The following CAMTA1 variants were observed in gnomAD, a reference collection of about 807,000 sequenced individuals.
The protein encoded by CAMTA1 is calmodulin-binding transcription activator 1.
A neutral mutation model predicts 170.9 loss-of-function variants in CAMTA1; 27 were observed. The observed-to-expected ratio is 0.16, with a 90% confidence interval of 0.12 to 0.22. The LOEUF (loss-of-function observed/expected upper bound fraction) is 0.22, where lower values mean the gene tolerates loss of function less well. CAMTA1 is among the 10% of genes least tolerant of loss of function. CAMTA1 has a pLI of 1.00. For synonymous variants in CAMTA1, 833 were observed against 891.5 expected, an observed-to-expected ratio of 0.93 and a Z score of 1.17; for missense variants, 1,619 against 2,217.2, an observed-to-expected ratio of 0.73 and a Z score of 5.42.
chr1:6,964,656 C>T (rs1691198226), intron 3 of CAMTA1, among the ~76,000 whole-genome samples: 1 of 152,246 alleles, frequency 6.6e-6, no homozygotes, highest in Non-Finnish European at 1.5e-5. Context: ...AGAAACGTGA[C>T]TGATACACTC....
chr1:7,344,718 C>A (rs1349738239), intron 5 of CAMTA1, among the ~76,000 whole-genome samples: 2 of 151,768 alleles, frequency 1.3e-5, no homozygotes, highest in Non-Finnish European at 2.9e-5. Flanking sequence ...CAATTATTGG[C>A]CATGTGTTTC....
chr1:7,264,619 C>T (rs1284841978), intron 5 of CAMTA1, among the ~76,000 whole-genome samples: 1 of 151,892 alleles, frequency 6.6e-6, no homozygotes. Flanking sequence ...TATTTTTACT[C>T]CAAAAAGCAC....
At chr1:7,721,529 A>G (rs1431507738) in intron 11 of CAMTA1, among the ~76,000 whole-genome samples, 1 of 152,112 alleles carries the variant, frequency 6.6e-6, no homozygotes, top group Non-Finnish European at 1.5e-5. Flanking sequence ...GATGAGGAGA[A>G]AGGTTGGCCT....
intron 3 of CAMTA1, among the ~76,000 whole-genome samples, chr1:7,038,987 C>T (rs556628029): frequency 2.7e-4 from 41 of 152,198 alleles, no homozygotes; most frequent in Non-Finnish European, 3.7e-4. Context: ...TTGCAGTGAG[C>T]CGAGATCCTG....
At chr1:7,424,966 G>A (rs1161833948) in intron 5 of CAMTA1, among the ~76,000 whole-genome samples, 70 of 152,146 alleles carry the variant, frequency 4.6e-4, no homozygotes, top group Admixed American at 4.6e-3. Flanking sequence ...AGGGAGGGAG[G>A]GAGGCAGGAT....
chr1:7,068,377 A>C (rs970638067), intron 3 of CAMTA1, among the ~76,000 whole-genome samples: 1 of 151,722 alleles, frequency 6.6e-6, no homozygotes, highest in African/African-American at 2.4e-5. Flanking sequence ...GATATCAATA[A>C]ACGCTTATTG....
intron 11 of CAMTA1, among the ~76,000 whole-genome samples, chr1:7,714,775 G>T (rs2096596698): frequency 6.6e-6 from 1 of 152,128 alleles, no homozygotes; most frequent in Non-Finnish European, 1.5e-5. Flanking sequence ...TCCCGCCTCG[G>T]CCTCCCAAAA....
chr1:7,119,253 C>G (rs1381118095), intron 4 of CAMTA1, among the ~76,000 whole-genome samples: 1 of 152,220 alleles, frequency 6.6e-6, no homozygotes, highest in South Asian at 2.1e-4. Context: ...CACTGCGGCA[C>G]TGCTGAAACC....
intron 3 of CAMTA1, among the ~76,000 whole-genome samples, chr1:7,006,698 C>T (rs1249465042): frequency 1.3e-5 from 2 of 152,154 alleles, no homozygotes; most frequent in South Asian, 2.1e-4. Context: ...TCATCCTTCC[C>T]GGAGGACTGT....
rs1330054792 is a variant in CAMTA1, at chr1:7,063,295, C to G, written c.235-28009C>G. ...AGTGGAAAGACAGGGACGACTCTTCCGCAACACCTCTCAGACCCGTCAGTG... is the reference window on the plus strand; with the variant it reads ...AGTGGAAAGACAGGGACGACTCTTCGGCAACACCTCTCAGACCCGTCAGTG... On this transcript the variant is annotated intron_variant, in intron 3 of 22. Transcript: ENST00000303635. The surrounding 1 kb of genome is among the most constrained non-coding windows in gnomAD (Gnocchi z 4.3). Among the ~76,000 whole-genome samples the G allele has an allele frequency of 6.6e-6, 1 of 152,176 alleles. No individual in the cohort carries two copies. The highest frequency in any genetic ancestry group is 2.4e-5 in the African/African-American group (1 of 41,434).
chr1:7,700,260 T>G (rs1177577693), intron 11 of CAMTA1, among the ~76,000 whole-genome samples: 5 of 152,226 alleles, frequency 3.3e-5, no homozygotes, highest in Admixed American at 3.3e-4. Context: ...CCCATTGTCC[T>G]AGCCCCATTT....
At position 7,300,667 on chromosome 1, in the gene CAMTA1, A is replaced by G. The variant is rs1211327612; in HGVS notation, c.438+51041A>G. On this transcript the variant is annotated intron_variant, in intron 5 of 22. Transcript: ENST00000303635. The surrounding 1 kb of genome is among the most constrained non-coding windows in gnomAD (Gnocchi z 4.1). ...ACTCCAGCCTGGACAACAAAGAGCAAAACTCTGTCTCAAAAAAAAAAAAAT... is the reference window on the plus strand; with the variant it reads ...ACTCCAGCCTGGACAACAAAGAGCAGAACTCTGTCTCAAAAAAAAAAAAAT... Among the ~76,000 whole-genome samples the G allele has an allele frequency of 1.3e-5, 2 of 151,722 alleles. No homozygotes were observed. Among genetic ancestry groups the G allele is most frequent in the Non-Finnish European group, 2.9e-5 (2 of 68,010 alleles).
intron 3 of CAMTA1, among the ~76,000 whole-genome samples, chr1:6,863,461 C>G (rs1389569795): frequency 6.6e-6 from 1 of 152,094 alleles, no homozygotes; most frequent in Non-Finnish European, 1.5e-5. Context: ...TTGCTGAGCC[C>G]CACTCCAGAG....
At chr1:6,807,037 A>G in intron 1 of CAMTA1, 2 of 670,892 alleles carry the variant, frequency 3.0e-6, no homozygotes, top group Non-Finnish European at 5.5e-6. Flanking sequence ...GGGGAGACGG[A>G]CATTAATCAA....
At chr1:6,844,876 T>C (rs931907940) in intron 3 of CAMTA1, among the ~76,000 whole-genome samples, 1 of 152,090 alleles carries the variant, frequency 6.6e-6, no homozygotes, top group African/African-American at 2.4e-5. Flanking sequence ...AGCTATTGTT[T>C]AAGGACACAT....
intron 11 of CAMTA1, among the ~76,000 whole-genome samples, chr1:7,692,394 AGGCCGGTCCTTGGCAAGTCACT>A (rs2096326318): frequency 6.6e-6 from 1 of 152,146 alleles, no homozygotes; most frequent in African/African-American, 2.4e-5. Flanking sequence ...GGGGTTTCTC[AGGCCGGTCCTTGGCAAGTCACT>A]ACATGGTAGG....
intron 3 of CAMTA1, among the ~76,000 whole-genome samples, chr1:6,968,917 A>T (rs2149570585): frequency 6.6e-6 from 1 of 152,196 alleles, no homozygotes; most frequent in East Asian, 1.9e-4. Context: ...AGTGGAGGAC[A>T]GGTGTGCTGA....
At chr1:7,242,503 T>C (rs1471634384) in intron 4 of CAMTA1, among the ~76,000 whole-genome samples, 1 of 152,174 alleles carries the variant, frequency 6.6e-6, no homozygotes, top group Non-Finnish European at 1.5e-5. Flanking sequence ...TCTTGTAGGG[T>C]AGGTATGATT....
intron 4 of CAMTA1, among the ~76,000 whole-genome samples, chr1:7,246,810 G>T (rs1293739661): frequency 6.6e-6 from 1 of 151,142 alleles, no homozygotes; most frequent in Non-Finnish European, 1.5e-5. Context: ...GGAATTACAG[G>T]TGCCTGCCAC....
Sources: allele counts gnomAD v4.1 joint callset (sites outside exome capture counted in the v4.1 genomes callset), GRCh38; gene constraint gnomAD v4.1.1; non-coding constraint Gnocchi (gnomAD v3.1); transcripts MANE v1.5; gene names NCBI Gene and HGNC (gene_info 2026-07-23, HGNC 2026-07-21).